Variants in DDHD1 observed in about 807,000 individuals in gnomAD.
DDHD1 encodes the protein DDHD domain containing 1, also known as phospholipase DDHD1.
DDHD1 carries 49 observed loss-of-function variants against 96.4 expected under a neutral mutation model. The ratio of observed to expected loss-of-function variants is 0.51; its 90% CI spans 0.40 to 0.64. DDHD1 has a LOEUF of 0.64. DDHD1 is among the 30% of genes least tolerant of loss of function. The pLI is 0.00. For missense variants in DDHD1, 1,106 were observed against 1,161.2 expected (o/e 0.95, Z 0.69); for synonymous variants, 442 against 446.5 (o/e 0.99, Z 0.13).
rs773329550 is a variant in DDHD1, at chr14:53,152,721, G to C, written c.378C>G (p.Val126=). Residue 126 remains valine, a synonymous_variant, in exon 1 of 13, where the codon GTC becomes GTG. Coordinates refer to ENST00000673822, the MANE Select transcript of DDHD1 (RefSeq NM_001160148.2). ...SLHPPQQPPL[V]PTNSGGGGAT... is the part of the protein sequence containing the mutation. ...CGCCGCCGCCCCCCGAGTTCGTCGGGACCAGCGGAGGCTGCTGCGGCGGGT... is the reference window on the plus strand; with the variant it reads ...CGCCGCCGCCCCCCGAGTTCGTCGGCACCAGCGGAGGCTGCTGCGGCGGGT... 2.0e-5 allele frequency: 32 copies of C among 1,605,192 alleles called. No individual in the cohort carries two copies. Among genetic ancestry groups the C allele is most frequent in the Non-Finnish European group, 2.6e-5 (31 of 1,175,884 alleles).
intron 4 of DDHD1, among the ~76,000 whole-genome samples, chr14:53,082,394 T>C (rs1303458299): frequency 2.7e-5 from 4 of 146,292 alleles, no homozygotes; most frequent in Non-Finnish European, 1.5e-5. Flanking sequence ...TAGAAAAAAA[T>C]AGAAAAAGAT....
intron 1 of DDHD1, among the ~76,000 whole-genome samples, chr14:53,135,275 T>A (rs1890148791): frequency 6.6e-6 from 1 of 152,156 alleles, no homozygotes; most frequent in Non-Finnish European, 1.5e-5. Flanking sequence ...ATTGACCTTA[T>A]GACAATACAC....
At chr14:53,116,395 T>C (rs990909241) in intron 1 of DDHD1, among the ~76,000 whole-genome samples, 6 of 152,156 alleles carry the variant, frequency 3.9e-5, no homozygotes, top group African/African-American at 1.4e-4. Context: ...TCTACGGAAC[T>C]CTCCACCCCA....
At chr14:53,110,799 A>G (rs1304385380) in intron 1 of DDHD1, among the ~76,000 whole-genome samples, 1 of 152,066 alleles carries the variant, frequency 6.6e-6, no homozygotes, top group Non-Finnish European at 1.5e-5. Flanking sequence ...AACATGGTGA[A>G]ACCCTGTCTC....
intron 1 of DDHD1, among the ~76,000 whole-genome samples, chr14:53,138,486 T>G (rs1203742289): frequency 6.6e-6 from 1 of 152,224 alleles, no homozygotes; most frequent in East Asian, 1.9e-4. Context: ...TGTATTTTGG[T>G]GTTTATAACA....
In DDHD1 at chr14:53,152,376, C is replaced by T. The variant is rs752038275; in HGVS notation, c.723G>A (p.Thr241=). 2.5e-6 allele frequency: 4 copies of T among 1,613,742 alleles called. No individual in the cohort carries two copies. The Admixed American group carries it at 5.0e-5, about 20-fold the overall frequency. Residue 241 remains threonine (T), a synonymous_variant, in exon 1 of 13, where the codon ACG becomes ACA. Coordinates refer to ENST00000673822, the MANE Select transcript of DDHD1 (RefSeq NM_001160148.2). Reference sequence around the variant, plus strand: ...CCACCATCTCCGGCTCGTGCCCCGTCGTACTCTGGCAGAAGCCGCAGGCGC... The same window carrying T: ...CCACCATCTCCGGCTCGTGCCCCGTTGTACTCTGGCAGAAGCCGCAGGCGC... ...EDRACGFCQS[T]TGHEPEMVEL... is the part of the protein sequence containing the mutation.
At chr14:53,118,133 A>G (rs988333883) in intron 1 of DDHD1, among the ~76,000 whole-genome samples, 5 of 152,186 alleles carry the variant, frequency 3.3e-5, no homozygotes, top group Admixed American at 2.0e-4. Flanking sequence ...CAAAAAGGAC[A>G]TCCACACCAA....
chr14:53,066,302 C>T (rs1049695557), intron 6 of DDHD1, among the ~76,000 whole-genome samples: 1 of 152,118 alleles, frequency 6.6e-6, no homozygotes, highest in Non-Finnish European at 1.5e-5. Context: ...CAGGTGTGCA[C>T]CACCACGCCT....
intron 1 of DDHD1, among the ~76,000 whole-genome samples, chr14:53,117,183 A>G (rs1888609761): frequency 6.6e-6 from 1 of 152,192 alleles, no homozygotes; most frequent in African/African-American, 2.4e-5. Context: ...CCCTTCCAAG[A>G]TGGCCAAATA....
chr14:53,051,751 TAGA>T, intron 12 of DDHD1, 90 bp downstream of exon 12: 1 of 1,000,182 alleles, frequency 1.0e-6, no homozygotes, highest in South Asian at 1.5e-5. Context: ...TGGGATCTCA[TAGA>T]AGAACTGATC....
At chr14:53,143,151 C>T (rs10148008) in intron 1 of DDHD1, among the ~76,000 whole-genome samples, 108,316 of 152,202 alleles carry the variant, frequency 0.71, 42,323 homozygotes, top group East Asian at 0.96. Context: ...TTCAGTTGCT[C>T]AGGGGCACAG....
intron 8 of DDHD1, 97 bp from the exon 9 acceptor site, chr14:53,058,723 T>G: frequency 9.3e-7 from 1 of 1,071,502 alleles, no homozygotes; most frequent in Non-Finnish European, 1.3e-6. Context: ...ATACAAATAA[T>G]AAAATATCTT....
At chr14:53,137,886 G>T (rs536422104) in intron 1 of DDHD1, among the ~76,000 whole-genome samples, 1 of 152,138 alleles carries the variant, frequency 6.6e-6, no homozygotes, top group Admixed American at 6.5e-5. Flanking sequence ...AATAAAGTCA[G>T]GGGGTTGGGG....
At chr14:53,088,593 AG>A (rs1293957247) in intron 4 of DDHD1, among the ~76,000 whole-genome samples, 1 of 152,240 alleles carries the variant, frequency 6.6e-6, no homozygotes, top group Non-Finnish European at 1.5e-5. Context: ...CAATAGATGC[AG>A]AAAAGGCCTT....
rs534052619 is a variant in DDHD1, at chr14:53,122,372, G to A, written c.839-18516C>T. The stretch of plus-strand genomic sequence containing the variant: ...GCACCTCCCTGGGGAAGACTATCCC[G>A]AGGGCAGATTTCTAACAGTCCCCAT... On this transcript the variant is annotated intron_variant, in intron 1 of 12. Transcript: ENST00000673822. 8.5e-5 allele frequency among the ~76,000 whole-genome samples: 13 copies of A among 152,190 alleles called. 1 individual carries two copies. In the South Asian group the frequency reaches 2.3e-3, roughly 27 times the overall value.
At chr14:53,136,555 T>C (rs1427205095) in intron 1 of DDHD1, among the ~76,000 whole-genome samples, 2 of 152,134 alleles carry the variant, frequency 1.3e-5, no homozygotes, top group East Asian at 1.9e-4. Context: ...CTTATGCACA[T>C]AAAGGAGAAA....
In DDHD1 at chr14:53,039,054, G is replaced by A. The variant is rs1204195749; in HGVS notation, c.*7714C>T. On this transcript the variant is annotated 3_prime_UTR_variant, in exon 13 of 13. Transcript: ENST00000673822. The stretch of plus-strand genomic sequence containing the variant: ...ATGTGGAGGTAATTTTTTGTCAAAT[G>A]ATTATTAATTTGAACTCTTTTGGAT... The A allele has an allele frequency of 6.6e-6, 1 of 152,158 alleles. No individual in the cohort carries two copies. The highest frequency in any genetic ancestry group is 1.5e-5 in the Non-Finnish European group (1 of 68,024). The allele number at this position is 152,158 out of a possible 1,614,324, so 9.4% of individuals were successfully genotyped here.
chr14:53,053,184 A>G (rs945059057), intron 11 of DDHD1: 3 of 152,068 alleles, frequency 2.0e-5, no homozygotes, highest in Non-Finnish European at 4.4e-5. Context: ...AATTCTTTGA[A>G]ATTAATTTTC....
At chr14:53,113,651 C>T (rs1391597615) in intron 1 of DDHD1, among the ~76,000 whole-genome samples, 1 of 152,170 alleles carries the variant, frequency 6.6e-6, no homozygotes, top group Non-Finnish European at 1.5e-5. Context: ...CAGGGGACCT[C>T]CCTCCGCCAG....
Sources: gnomAD v4.1 joint callset for allele counts (sites outside exome capture counted in the v4.1 genomes callset) on GRCh38, gnomAD v4.1.1 for gene constraint, MANE v1.5 for transcripts, NCBI Gene and HGNC (gene_info 2026-07-23, HGNC 2026-07-21) for gene names.